Variants in RBBP8 observed in about 807,000 individuals in gnomAD.
The protein encoded by RBBP8 is RB binding protein 8, endonuclease.
Under a neutral mutation model 108.3 loss-of-function variants are expected in RBBP8, and 88 were observed. The observed-to-expected ratio is 0.81, with a 90% confidence interval of 0.68 to 0.97. The LOEUF is 0.97. RBBP8 is among the 50% of genes least tolerant of loss of function. The pLI is 0.00. For synonymous variants in RBBP8, 332 were observed against 348.2 expected (o/e 0.95, Z 0.52); for missense variants, 1,023 against 1,049.0 (o/e 0.98, Z 0.34).
At position 23,015,715 on chromosome 18, in the gene RBBP8, A is replaced by G. The variant is rs139717688; in HGVS notation, c.2358-1113A>G. Among the ~76,000 whole-genome samples, 1,361 of 152,200 alleles carry G rather than the reference A, an allele frequency of 8.9e-3. 10 individuals are homozygous for G. Among genetic ancestry groups the G allele is most frequent in the Non-Finnish European group, 0.015 (1,004 of 68,012 alleles). On this transcript the variant is annotated intron_variant, in intron 16 of 18. Transcript: ENST00000327155. ...ACCAGCACCGTTTATTAAATAGACTATCCTTTCCCCAATGAAGGTGCGTGG... is the reference window on the plus strand; with the variant it reads ...ACCAGCACCGTTTATTAAATAGACTGTCCTTTCCCCAATGAAGGTGCGTGG...
chr18:23,025,897 T>G (rs1402529690), intron 18 of RBBP8, among the ~76,000 whole-genome samples: 1 of 152,246 alleles, frequency 6.6e-6, no homozygotes, highest in African/African-American at 2.4e-5. Context: ...TAGTAGAAAC[T>G]ACTTCAAAGG....
At chr18:22,932,940 C>A (rs1307719086), upstream of RBBP8, among the ~76,000 whole-genome samples, 2 of 152,228 alleles carry the variant, frequency 1.3e-5, no homozygotes, top group Non-Finnish European at 2.9e-5. Flanking sequence ...CAGATAACAG[C>A]GACAAGGCCG....
At chr18:22,981,217 G>A (rs999250285) in intron 6 of RBBP8, among the ~76,000 whole-genome samples, 1 of 151,728 alleles carries the variant, frequency 6.6e-6, no homozygotes, top group East Asian at 1.9e-4. Flanking sequence ...TGATCTGCCC[G>A]TCTCAGCCTC....
chr18:22,999,646 TA>T lies in RBBP8; in HGVS notation c.2143+1926del, dbSNP rs796904319. Among the ~76,000 whole-genome samples the T allele has an allele frequency of 8.7e-3, 1,248 of 143,088 alleles. 10 individuals are homozygous for T. The highest frequency in any genetic ancestry group is 0.019 in the African/African-American group (760 of 39,138). The allele number at this position is 143,088 out of a possible 152,430, so 93.9% of individuals were successfully genotyped here. A position where few individuals can be genotyped will look rare whatever the true frequency, so the allele number is the denominator to read the frequency against. ...ATAGGAGACATTAGTGAGGTTATAT[TA>T]AAAAAAAAAAAAATTACCCCATAAG... On this transcript the variant is annotated intron_variant, in intron 14 of 18. Coordinates refer to ENST00000327155, the MANE Select transcript of RBBP8 (RefSeq NM_002894.3).
intron 2 of RBBP8, among the ~76,000 whole-genome samples, chr18:22,945,660 A>G (rs952571304): frequency 8.4e-4 from 128 of 152,292 alleles, no homozygotes; most frequent in African/African-American, 2.9e-3. Context: ...CTGGTATTAC[A>G]GGCATGAATC....
chr18:22,932,965 C>T (rs1301151939), upstream of RBBP8, among the ~76,000 whole-genome samples: 1 of 152,234 alleles, frequency 6.6e-6, no homozygotes, highest in African/African-American at 2.4e-5. Flanking sequence ...CTATGTTAGA[C>T]GGATCCGCGT....
intron 6 of RBBP8, among the ~76,000 whole-genome samples, chr18:22,976,604 A>G (rs577589237): frequency 6.6e-6 from 1 of 152,192 alleles, no homozygotes; most frequent in African/African-American, 2.4e-5. Flanking sequence ...AATTATGTAT[A>G]TATGTTCTGT....
intron 16 of RBBP8, among the ~76,000 whole-genome samples, chr18:23,007,385 A>C (rs984440249): frequency 6.6e-6 from 1 of 151,914 alleles, no homozygotes; most frequent in Non-Finnish European, 1.5e-5. Flanking sequence ...GGCATTTATT[A>C]AATTGTATAA....
chr18:22,970,771 T>TG (rs2144601060), intron 5 of RBBP8, among the ~76,000 whole-genome samples: 1 of 152,334 alleles, frequency 6.6e-6, no homozygotes, highest in East Asian at 1.9e-4. Flanking sequence ...ATTTATATAT[T>TG]ATGGAAGGAT....
At chr18:22,941,144 C>A (rs567183893) in intron 2 of RBBP8, among the ~76,000 whole-genome samples, 1 of 152,018 alleles carries the variant, frequency 6.6e-6, no homozygotes, top group Admixed American at 6.6e-5. Context: ...TTATATTCTG[C>A]AACTTTCTTG....
At chr18:23,017,630 G>A (rs1401379296) in intron 17 of RBBP8, among the ~76,000 whole-genome samples, 1 of 151,170 alleles carries the variant, frequency 6.6e-6, no homozygotes, top group Non-Finnish European at 1.5e-5. Context: ...CTCCAGCCTG[G>A]GCGAGAGAGC....
At chr18:22,963,986 A>G (rs1913344451) in intron 4 of RBBP8, among the ~76,000 whole-genome samples, 1 of 152,224 alleles carries the variant, frequency 6.6e-6, no homozygotes, top group Admixed American at 6.5e-5. Context: ...ATTTTTGTTG[A>G]AATAATAGTT....
chr18:22,916,658 T>A (rs1461123427), intron 2 of RBBP8, among the ~76,000 whole-genome samples: 1 of 152,158 alleles, frequency 6.6e-6, no homozygotes, highest in Non-Finnish European at 1.5e-5. Context: ...AATGGCTGAA[T>A]ATATATGGGA....
At chr18:22,968,594 C>A (rs1913821269) in intron 4 of RBBP8, among the ~76,000 whole-genome samples, 1 of 152,112 alleles carries the variant, frequency 6.6e-6, no homozygotes, top group African/African-American at 2.4e-5. Context: ...TTAAAATTGG[C>A]AGATTTTTAT....
rs114267144 is a variant in RBBP8 at position 22,928,126 on chromosome 18, G to T, written c.-153-1257G>T. Among the ~76,000 whole-genome samples the T allele has an allele frequency of 2.6e-3, 384 of 149,638 alleles. 1 individual carries two copies. Among genetic ancestry groups the T allele is most frequent in the African/African-American group, 9.1e-3 (371 of 40,552 alleles). ...TGAGGCATGAGGATTGCTTGAATCT[G>T]GAGGGTGAAGGCTATCATAAGCTGA... is the stretch of plus-strand genomic sequence containing the variant. On this transcript the variant is annotated intron_variant, in intron 3 of 4. Transcript: ENST00000577588.
intron 18 of RBBP8, among the ~76,000 whole-genome samples, chr18:23,024,425 C>T (rs935718107): frequency 6.6e-6 from 1 of 152,166 alleles, no homozygotes; most frequent in South Asian, 2.1e-4. Flanking sequence ...TTATTACATA[C>T]CAAGTGTACT....
At chr18:22,956,749 T>C (rs1912586725) in intron 4 of RBBP8, among the ~76,000 whole-genome samples, 1 of 152,218 alleles carries the variant, frequency 6.6e-6, no homozygotes, top group South Asian at 2.1e-4. Flanking sequence ...AATTACCTAG[T>C]AAAAGTAAAT....
intron 15 of RBBP8, among the ~76,000 whole-genome samples, chr18:23,003,557 A>G (rs1370936007): frequency 6.6e-6 from 1 of 152,190 alleles, no homozygotes; most frequent in Non-Finnish European, 1.5e-5. Flanking sequence ...GGAACTTAGC[A>G]CAATGCTCAG....
chr18:23,000,598 C>T (rs537180437), intron 14 of RBBP8, among the ~76,000 whole-genome samples: 4 of 151,724 alleles, frequency 2.6e-5, no homozygotes, highest in Non-Finnish European at 5.9e-5. Context: ...AAACATTAGC[C>T]GGGTATGGTG....
Sources: gnomAD v4.1 joint callset for allele counts (sites outside exome capture counted in the v4.1 genomes callset) on GRCh38, gnomAD v4.1.1 for gene constraint, MANE v1.5 for transcripts, NCBI Gene and HGNC (gene_info 2026-07-23, HGNC 2026-07-21) for gene names.